IL1RN: variants seen among roughly 807,000 people sequenced by gnomAD.
The protein encoded by IL1RN is interleukin 1 receptor antagonist.
IL1RN carries 10 observed loss-of-function variants against 13.7 expected under a neutral mutation model. That is an observed-to-expected ratio of 0.73 (90% CI 0.45 to 1.24). IL1RN has a LOEUF of 1.24. Among genes scored for constraint, IL1RN ranks in the 50% most tolerant of loss-of-function variants. The pLI is 0.00. For synonymous variants in IL1RN, 102 were observed against 82.7 expected (o/e 1.23, Z -1.27); for missense variants, 213 against 222.1 (o/e 0.96, Z 0.26).
intron 1 of IL1RN, among the ~76,000 whole-genome samples, chr2:113,111,716 CT>C (rs201307087): frequency 0.021 from 3,136 of 152,362 alleles, 125 homozygotes; most frequent in African/African-American, 0.071. Context: ...TCCATTCAGT[CT>C]TTCCTTTACA....
intron 1 of IL1RN, among the ~76,000 whole-genome samples, chr2:113,119,874 A>G (rs1248874028): frequency 1.3e-5 from 2 of 152,182 alleles, no homozygotes; most frequent in African/African-American, 4.8e-5. Context: ...TGCCCAGCAC[A>G]GAACAGGGTG....
At chr2:113,112,527 CCTGTAGG>C (rs1288204615) in intron 1 of IL1RN, among the ~76,000 whole-genome samples, 1 of 152,148 alleles carries the variant, frequency 6.6e-6, no homozygotes, top group Non-Finnish European at 1.5e-5. Flanking sequence ...CCCCCCTCGC[CCTGTAGG>C]CTGCTCCCCT....
chr2:113,108,072 C>T (rs770990183), upstream of IL1RN, among the ~76,000 whole-genome samples: 3 of 152,146 alleles, frequency 2.0e-5, no homozygotes, highest in Non-Finnish European at 4.4e-5. Context: ...CTCCTGATTT[C>T]TGGTCAGAAG....
intron 1 of IL1RN, among the ~76,000 whole-genome samples, chr2:113,128,303 G>T (rs1225630078): frequency 1.4e-5 from 2 of 142,978 alleles, no homozygotes; most frequent in African/African-American, 2.4e-5. Flanking sequence ...ATTTGAAAAT[G>T]GAATCGGCTT....
chr2:113,121,671 T>G (rs1336007163), intron 2 of IL1RN: 30 of 876,768 alleles, frequency 3.4e-5, no homozygotes, highest in Non-Finnish European at 4.1e-5. Context: ...AGATAACAGT[T>G]GGATTATATA....
At chr2:113,118,675 GT>G (rs1282770458) in intron 1 of IL1RN, among the ~76,000 whole-genome samples, 3 of 152,214 alleles carry the variant, frequency 2.0e-5, no homozygotes, top group African/African-American at 7.2e-5. Flanking sequence ...TAGGATTTGT[GT>G]GGGGCAAAGA....
chr2:113,126,106 A>G (rs4252001), upstream of IL1RN, among the ~76,000 whole-genome samples: 27,743 of 152,132 alleles, frequency 0.18, 3,203 homozygotes, highest in East Asian at 0.58. Context: ...CCCAGCCATC[A>G]TTTTTGAAAC....
rs542605172 is a variant in IL1RN at position 113,132,663 on chromosome 2, A to G, written c.326A>G (p.Asn109Ser). The change falls in exon 4 of 4, where the codon AAC (asparagine) becomes AGC (serine). Residue 109 changes from asparagine to serine, a missense_variant. Asn to Ser is a conservative substitution (Grantham distance 46). Transcript: ENST00000409930. ...DETRLQLEAV[N>S]ITDLSENRKQ... ...CCATCTTTTGATTTCCAGGCAGTTA[A>G]CATCACTGACCTGAGCGAGAACAGA... 1.9e-6 allele frequency: 3 copies of G among 1,614,168 alleles called. No homozygotes were observed. The South Asian group carries it at 3.3e-5, about 18-fold the overall frequency.
chr2:113,127,794 A>G, intron 1 of IL1RN, 54 bp downstream of exon 1: 1 of 1,575,280 alleles, frequency 6.3e-7, no homozygotes, highest in South Asian at 1.1e-5. Flanking sequence ...GAGACTGGAA[A>G]CATATCACAG....
rs1403499931 is a variant in IL1RN at position 113,133,581 on chromosome 2, TA to T, written c.*712del. 1.3e-5 allele frequency: 2 copies of T among 153,030 alleles called. No homozygotes were observed. Among genetic ancestry groups the T allele is most frequent in the African/African-American group, 4.8e-5 (2 of 41,404 alleles). The allele number at this position is 153,030 out of a possible 1,614,324, so 9.5% of individuals were successfully genotyped here. On this transcript the variant is annotated 3_prime_UTR_variant, in exon 4 of 4. Coordinates refer to ENST00000409930, the MANE Select transcript of IL1RN (RefSeq NM_173842.3). Reference sequence around the variant, plus strand: ...TTTTTTTCCTTTTAAAACACTTCCATAATCTGGACTCCTCTGTCCAGGCACT... The same window carrying T: ...TTTTTTTCCTTTTAAAACACTTCCATATCTGGACTCCTCTGTCCAGGCACT...
At chr2:113,125,001 G>A (rs1686907265), upstream of IL1RN, among the ~76,000 whole-genome samples, 1 of 152,158 alleles carries the variant, frequency 6.6e-6, no homozygotes, top group South Asian at 2.1e-4. Flanking sequence ...AGTGTGGGTG[G>A]GGCTTTTTAC....
At chr2:113,128,457 C>A (rs1307171180) in intron 1 of IL1RN, among the ~76,000 whole-genome samples, 1 of 152,034 alleles carries the variant, frequency 6.6e-6, no homozygotes, top group African/African-American at 2.4e-5. Flanking sequence ...TTTGTCTGGG[C>A]CGAGGCTGCA....
At chr2:113,119,764 C>T (rs967695911) in intron 1 of IL1RN, among the ~76,000 whole-genome samples, 4 of 152,036 alleles carry the variant, frequency 2.6e-5, no homozygotes, top group African/African-American at 7.2e-5. Context: ...GGATTGAATT[C>T]GGGAAAAAAG....
intron 3 of IL1RN, 33 bp downstream of exon 3, chr2:113,131,190 A>C (rs1489128335): frequency 7.0e-7 from 1 of 1,422,502 alleles, no homozygotes; most frequent in Non-Finnish European, 1.0e-6. Context: ...AAATCACCCC[A>C]AAACCCAGTG....
At chr2:113,115,677 T>G (rs1422777100), upstream of IL1RN, 2 of 152,250 alleles carry the variant, frequency 1.3e-5, no homozygotes, top group African/African-American at 4.8e-5. Flanking sequence ...CTCTGGGATG[T>G]TGGGCTCCAG....
upstream of IL1RN, among the ~76,000 whole-genome samples, chr2:113,116,252 G>A (rs775302813): frequency 6.6e-6 from 1 of 152,208 alleles, no homozygotes; most frequent in South Asian, 2.1e-4. Flanking sequence ...ATCCTGGCAG[G>A]TTCCCAGGCT....
intron 3 of IL1RN, among the ~76,000 whole-genome samples, chr2:113,131,967 A>G (rs920131667): frequency 6.6e-6 from 1 of 152,162 alleles, no homozygotes; most frequent in African/African-American, 2.4e-5. Flanking sequence ...AGGACATTGC[A>G]TGGAACACAC....
At chr2:113,127,335 T>G (rs45569245), upstream of IL1RN, 15 of 421,398 alleles carry the variant, frequency 3.6e-5, no homozygotes, top group Non-Finnish European at 4.8e-5. Flanking sequence ...TGGTTTCCAT[T>G]GTGCTCTTCT....
chr2:113,100,117 T>A, the IL1RN span, among the ~76,000 whole-genome samples: 2 of 143,330 alleles, frequency 1.4e-5, no homozygotes, highest in African/African-American at 5.1e-5. Flanking sequence ...GGTCAGGAGA[T>A]CAAGACCATC....
Sources: gnomAD v4.1 joint callset for allele counts (sites outside exome capture counted in the v4.1 genomes callset) on GRCh38, gnomAD v4.1.1 for gene constraint, MANE v1.5 for transcripts, NCBI Gene and HGNC (gene_info 2026-07-23, HGNC 2026-07-21) for gene names.